TET2: variants seen among roughly 807,000 people sequenced by gnomAD.
TET2 encodes the protein methylcytosine dioxygenase TET2.
Under a neutral mutation model 142.9 loss-of-function variants are expected in TET2, and 299 were observed. The observed-to-expected ratio is 2.09, with a 90% CI of 1.90 to 2.30. The LOEUF is 2.30. Ranked by LOEUF, TET2 falls within the 30% of genes most tolerant of loss-of-function variation. TET2 has a pLI of 0.00. For missense variants in TET2, 2,418 were observed against 2,378.0 expected (o/e 1.02, Z -0.35); for synonymous variants, 819 against 849.0 (o/e 0.96, Z 0.61).
chr4:105,163,854 A>AGAGAGAGAGAGAGAGAGT (rs1553942671), intron 1 of TET2, among the ~76,000 whole-genome samples: 5 of 85,160 alleles, frequency 5.9e-5, no homozygotes, highest in Non-Finnish European at 1.2e-4. Context: ...AGAGAGAGAG[A>AGAGAGAGAGAGAGAGAGT]GTGTGTGTGT....
intron 6 of TET2, among the ~76,000 whole-genome samples, chr4:105,258,739 A>G (rs1730269054): frequency 6.6e-6 from 1 of 152,068 alleles, no homozygotes; most frequent in Non-Finnish European, 1.5e-5. Flanking sequence ...ATATACATAC[A>G]TTAATTTAAA....
intron 1 of TET2, among the ~76,000 whole-genome samples, chr4:105,189,359 A>G (rs1343530585): frequency 1.3e-5 from 2 of 152,194 alleles, no homozygotes; most frequent in Admixed American, 1.3e-4. Flanking sequence ...GGATATTCCA[A>G]TACTGTTTCC....
chr4:105,173,436 G>A (rs1724595967), intron 1 of TET2, among the ~76,000 whole-genome samples: 1 of 151,928 alleles, frequency 6.6e-6, no homozygotes, highest in Middle Eastern at 3.2e-3. Context: ...GGGAGGCTGA[G>A]GCAGGAGAAT....
intron 1 of TET2, among the ~76,000 whole-genome samples, chr4:105,173,847 A>G (rs1042809331): frequency 6.6e-5 from 10 of 152,176 alleles, no homozygotes; most frequent in Non-Finnish European, 1.2e-4. Flanking sequence ...ATGGAGATTA[A>G]TATTGGTTGA....
intron 1 of TET2, chr4:105,177,631 G>T (rs1724877335): frequency 6.6e-6 from 1 of 152,270 alleles, no homozygotes; most frequent in African/African-American, 2.4e-5. Context: ...ATGAAACCAA[G>T]TGCTGGTGAG....
chr4:105,215,748 A>G (rs1727453427), intron 2 of TET2, among the ~76,000 whole-genome samples: 1 of 152,096 alleles, frequency 6.6e-6, no homozygotes. Context: ...TCTTCATGCT[A>G]CATCTTACCA....
chr4:105,251,583 C>T (rs1578704316), intron 6 of TET2, among the ~76,000 whole-genome samples: 1 of 151,850 alleles, frequency 6.6e-6, no homozygotes, highest in South Asian at 2.1e-4. Flanking sequence ...GAATAAATCC[C>T]ACTTGGCCTC....
chr4:105,259,586 C>T (rs1299068650), intron 6 of TET2, 33 bp from the exon 7 acceptor site: 4 of 1,546,130 alleles, frequency 2.6e-6, no homozygotes, highest in Non-Finnish European at 3.5e-6. Context: ...TAATGCTATC[C>T]ATAGCAATGA....
chr4:105,156,888 T>C (rs149333242), intron 1 of TET2, among the ~76,000 whole-genome samples: 1 of 152,068 alleles, frequency 6.6e-6, no homozygotes, highest in Admixed American at 6.6e-5. Flanking sequence ...TTAACCTGTT[T>C]GTTCTTTTAG....
chr4:105,212,126 A>G (rs1304064970), intron 2 of TET2, among the ~76,000 whole-genome samples: 2 of 152,232 alleles, frequency 1.3e-5, no homozygotes, highest in Non-Finnish European at 2.9e-5. Flanking sequence ...AACTCTTCCC[A>G]TGTCAGCACT....
chr4:105,268,392 A>G (rs1367128477), intron 8 of TET2, among the ~76,000 whole-genome samples: 1 of 152,158 alleles, frequency 6.6e-6, no homozygotes, highest in Admixed American at 6.5e-5. Flanking sequence ...ATTATAGAAA[A>G]CTTCAGTAAC....
intron 6 of TET2, among the ~76,000 whole-genome samples, chr4:105,255,702 A>G (rs145552883): frequency 6.6e-6 from 1 of 152,184 alleles, no homozygotes; most frequent in Non-Finnish European, 1.5e-5. Flanking sequence ...ACTTTTTATT[A>G]TAAAATGTGT....
chr4:105,188,994 A>G (rs1725625732), intron 1 of TET2, among the ~76,000 whole-genome samples: 1 of 152,042 alleles, frequency 6.6e-6, no homozygotes, highest in Non-Finnish European at 1.5e-5. Context: ...CCACTGACTC[A>G]TATACTTTAC....
chr4:105,186,591 C>T (rs191570004), intron 1 of TET2, among the ~76,000 whole-genome samples: 6 of 151,614 alleles, frequency 4.0e-5, no homozygotes, highest in Admixed American at 3.9e-4. Flanking sequence ...CCCGCCTCAG[C>T]CTCCCCAGTA....
chr4:105,167,549 C>T (rs1312161234), intron 1 of TET2, among the ~76,000 whole-genome samples: 1 of 151,972 alleles, frequency 6.6e-6, no homozygotes. Flanking sequence ...TTTATTTGCT[C>T]CCCTTTTAAA....
At chr4:105,218,102 A>G (rs1727603510) in intron 2 of TET2, among the ~76,000 whole-genome samples, 1 of 152,074 alleles carries the variant, frequency 6.6e-6, no homozygotes. Flanking sequence ...AATTTTCAAA[A>G]TATTATTTAT....
At chr4:105,224,350 C>T (rs574592858) in intron 2 of TET2, among the ~76,000 whole-genome samples, 1 of 152,184 alleles carries the variant, frequency 6.6e-6, no homozygotes, top group Admixed American at 6.6e-5. Context: ...CATTTGCACA[C>T]TAATGTGCTA....
At chr4:105,186,243 AAAAAAC>A (rs1217198429) in intron 1 of TET2, among the ~76,000 whole-genome samples, 1 of 152,130 alleles carries the variant, frequency 6.6e-6, no homozygotes, top group African/African-American at 2.4e-5. Flanking sequence ...AAAACAAACA[AAAAAAC>A]AAAAACAACA....
chr4:105,179,316 T>C (rs962936687), intron 1 of TET2, among the ~76,000 whole-genome samples: 2 of 152,174 alleles, frequency 1.3e-5, no homozygotes, highest in Non-Finnish European at 2.9e-5. Flanking sequence ...TAACTTTGTC[T>C]CCTCCTTAAT....
Sources: allele counts gnomAD v4.1 joint callset (sites outside exome capture counted in the v4.1 genomes callset), GRCh38; gene constraint gnomAD v4.1.1; transcripts MANE v1.5; gene names NCBI Gene and HGNC (gene_info 2026-07-23, HGNC 2026-07-21).